The following SRP54 variants were observed in gnomAD, a reference collection of about 807,000 sequenced individuals.
The protein encoded by SRP54 is signal recognition particle 54.
A neutral mutation model predicts 64.8 loss-of-function variants in SRP54; 10 were observed. The ratio of observed to expected loss-of-function variants is 0.15; its 90% confidence interval spans 0.10 to 0.26. SRP54 has a LOEUF of 0.26. Among genes scored for constraint, SRP54 ranks in the 10% least tolerant of loss-of-function variants. SRP54 has a pLI of 1.00. For missense variants in SRP54, 325 were observed against 613.7 expected, an observed-to-expected ratio of 0.53 and a Z score of 4.97; for synonymous variants, 193 against 185.6, an observed-to-expected ratio of 1.04 and a Z score of -0.32.
chr14:35,021,279 CAG>C (rs1284438748), intron 13 of SRP54, among the ~76,000 whole-genome samples: 1 of 152,026 alleles, frequency 6.6e-6, no homozygotes, highest in Non-Finnish European at 1.5e-5. Flanking sequence ...TTAGAAGAGT[CAG>C]AGGTGGATAT....
chr14:35,011,414 C>A, intron 7 of SRP54, 95 bp from the exon 8 acceptor site: 1 of 1,060,692 alleles, frequency 9.4e-7, no homozygotes, highest in Non-Finnish European at 1.3e-6. Context: ...GTCATTTTGG[C>A]TTTTTCAAAA....
chr14:35,015,290 G>C (rs2044420508), intron 11 of SRP54, among the ~76,000 whole-genome samples: 1 of 152,012 alleles, frequency 6.6e-6, no homozygotes, highest in Non-Finnish European at 1.5e-5. Context: ...TGGCCAGGCT[G>C]GTCTTGAACT....
At chr14:34,993,024 C>T (rs1252564176) in intron 1 of SRP54, among the ~76,000 whole-genome samples, 4 of 152,026 alleles carry the variant, frequency 2.6e-5, no homozygotes, top group African/African-American at 9.7e-5. Context: ...CATACCCGGC[C>T]AAGTTTTGTA....
chr14:35,020,235 A>G (rs2044506130), intron 13 of SRP54, among the ~76,000 whole-genome samples: 1 of 152,152 alleles, frequency 6.6e-6, no homozygotes, highest in Non-Finnish European at 1.5e-5. Flanking sequence ...GCTAATGATC[A>G]TCTAAGCCTT....
intron 4 of SRP54, among the ~76,000 whole-genome samples, chr14:35,004,903 C>T (rs1282642333): frequency 6.6e-6 from 1 of 152,194 alleles, no homozygotes; most frequent in African/African-American, 2.4e-5. Context: ...TACCTCATGG[C>T]TTTCCTTGAA....
chr14:34,987,659 A>G (rs1474494811), intron 1 of SRP54, among the ~76,000 whole-genome samples: 5 of 151,850 alleles, frequency 3.3e-5, no homozygotes, highest in Middle Eastern at 3.2e-3. Flanking sequence ...TTTATTCTAC[A>G]TTTTACTTAT....
chr14:34,987,492 CT>C (rs1333596239), intron 1 of SRP54, among the ~76,000 whole-genome samples: 1 of 151,920 alleles, frequency 6.6e-6, no homozygotes, highest in African/African-American at 2.4e-5. Flanking sequence ...CACTTTCTGT[CT>C]CTGTAGATTT....
chr14:35,027,841 T>C (rs1297442637), intron 14 of SRP54: 3 of 276,240 alleles, frequency 1.1e-5, no homozygotes, highest in African/African-American at 6.6e-5. Flanking sequence ...GCATAAATCG[T>C]AGCCTTAAAA....
intron 1 of SRP54, 29 bp downstream of exon 1, chr14:34,983,244 C>G (rs549502764): frequency 3.9e-5 from 6 of 152,472 alleles, no homozygotes; most frequent in Non-Finnish European, 8.8e-5. Context: ...CCGCCCCAGA[C>G]TACGGAGGGG....
chr14:35,023,369 A>C (rs1412708538), intron 14 of SRP54, among the ~76,000 whole-genome samples: 2 of 152,120 alleles, frequency 1.3e-5, no homozygotes, highest in Non-Finnish European at 2.9e-5. Flanking sequence ...AGGAAAAAAA[A>C]AACACATTAC....
chr14:35,014,863 G>T (rs747714042), intron 11 of SRP54, 33 bp downstream of exon 11: 2 of 1,498,756 alleles, frequency 1.3e-6, no homozygotes, highest in Admixed American at 1.9e-5. Context: ...CTTCATCTCA[G>T]ATTTCTTCCA....
intron 14 of SRP54, among the ~76,000 whole-genome samples, chr14:35,026,209 G>A (rs1227774221): frequency 1.3e-5 from 2 of 151,504 alleles, no homozygotes; most frequent in African/African-American, 4.9e-5. Context: ...ATTTTTTGTT[G>A]TTTTTTGTTT....
chr14:35,007,164 G>A, intron 4 of SRP54, 119 bp from the exon 5 acceptor site: 2 of 506,708 alleles, frequency 3.9e-6, no homozygotes. Flanking sequence ...CTGCACTCCA[G>A]CCTGGGTGAC....
chr14:34,987,192 C>T (rs368887284), intron 1 of SRP54, among the ~76,000 whole-genome samples: 23 of 147,318 alleles, frequency 1.6e-4, no homozygotes, highest in South Asian at 8.5e-4. Flanking sequence ...GATCTTGCCA[C>T]TGCACTCTAG....
At chr14:35,019,249 C>T (rs1279693241) in intron 13 of SRP54, 175 bp downstream of exon 13, 1 of 524,300 alleles carries the variant, frequency 1.9e-6, no homozygotes, top group Non-Finnish European at 3.4e-6. Flanking sequence ...ATTGGATTGC[C>T]TTCATCGTTG....
chr14:34,985,606 T>C (rs994202440), intron 1 of SRP54, among the ~76,000 whole-genome samples: 1 of 152,222 alleles, frequency 6.6e-6, no homozygotes, highest in African/African-American at 2.4e-5. Flanking sequence ...CCAATGTATT[T>C]GTTACACTGT....
chr14:35,015,593 A>T (rs554866539), intron 11 of SRP54, among the ~76,000 whole-genome samples: 1 of 151,490 alleles, frequency 6.6e-6, no homozygotes, highest in Non-Finnish European at 1.5e-5. Flanking sequence ...CAATTTTGTC[A>T]TCTATAAAAC....
intron 11 of SRP54, among the ~76,000 whole-genome samples, chr14:35,016,093 A>G (rs1417205343): frequency 6.6e-6 from 1 of 152,052 alleles, no homozygotes; most frequent in Non-Finnish European, 1.5e-5. Context: ...TCCACCTCCT[A>G]AATATCTCCA....
chr14:34,993,380 T>C (rs1297087855), intron 1 of SRP54: 1 of 152,234 alleles, frequency 6.6e-6, no homozygotes, highest in East Asian at 1.9e-4. Flanking sequence ...AAGTCCTGGA[T>C]CTTTTCCATG....
Sources: allele counts gnomAD v4.1 joint callset (sites outside exome capture counted in the v4.1 genomes callset), GRCh38; gene constraint gnomAD v4.1.1; transcripts MANE v1.5; gene names NCBI Gene and HGNC (gene_info 2026-07-23, HGNC 2026-07-21).